The following FOXP1 variants were observed in gnomAD, a reference collection of about 807,000 sequenced individuals.
The protein encoded by FOXP1 is forkhead box P1.
In FOXP1, 15 loss-of-function variants were observed where a neutral mutation model predicts 98.2. The observed-to-expected ratio is 0.15, with a 90% CI of 0.10 to 0.24. FOXP1 has a LOEUF of 0.24. Among genes scored for constraint, FOXP1 ranks in the 10% least tolerant of loss-of-function variants. The pLI is 1.00. For missense variants in FOXP1, 633 were observed against 848.5 expected, an observed-to-expected ratio of 0.75 and a Z score of 3.15; for synonymous variants, 371 against 314.5, an observed-to-expected ratio of 1.18 and a Z score of -1.90.
chr3:71,094,342 TGATCTCAGCTCACTGCAA>T (rs1288747543), intron 7 of FOXP1, among the ~76,000 whole-genome samples: 4 of 149,328 alleles, frequency 2.7e-5, no homozygotes, highest in African/African-American at 9.9e-5. Context: ...TGCAGTGGCG[TGATCTCAGCTCACTGCAA>T]GCTCCGCCTC....
chr3:70,956,753 T>G lies in FOXP1; in HGVS notation c.*2494A>C, dbSNP rs2031918938. 1 of 189,262 alleles carries G rather than the reference T, an allele frequency of 5.3e-6. No individual in the cohort carries two copies. The highest frequency in any genetic ancestry group is 2.8e-5 in the African/African-American group (1 of 35,570). The allele number at this position is 189,262 out of a possible 1,614,324, so 11.7% of individuals were successfully genotyped here. The stretch of plus-strand genomic sequence containing the variant: ...AAAAGTTTTTTTTTTTTTTTTTTTT[T>G]TTTTTTTTTTTTTTTTTTTTAAAGT... On this transcript the variant is annotated 3_prime_UTR_variant, in exon 21 of 21. Transcript: ENST00000649528.
rs533778589 is a variant in FOXP1 at position 71,179,571 on chromosome 3, A to G, written c.180+18631T>C. ...AAACTGTAAACACACAAAATGTGAAATTAAAATTAAGATGAAAATGTGAAA... is the reference window on the plus strand; with the variant it reads ...AAACTGTAAACACACAAAATGTGAAGTTAAAATTAAGATGAAAATGTGAAA... On this transcript the variant is annotated intron_variant, in intron 6 of 20. Transcript: ENST00000649528. Among the ~76,000 whole-genome samples the G allele has an allele frequency of 9.2e-4, 140 of 152,344 alleles. 2 individuals carry two copies. The highest frequency in any genetic ancestry group is 1.5e-4 in the Non-Finnish European group (10 of 68,010).
intron 2 of FOXP1, among the ~76,000 whole-genome samples, chr3:71,506,045 C>A (rs752069458): frequency 6.6e-6 from 1 of 152,192 alleles, no homozygotes; most frequent in Non-Finnish European, 1.5e-5. Context: ...ACAATAAGAG[C>A]CTTGTCACCG....
intron 5 of FOXP1, chr3:71,296,298 A>G (rs1223335925): frequency 6.6e-6 from 1 of 152,182 alleles, no homozygotes; most frequent in Non-Finnish European, 1.5e-5. Context: ...TTGCAGTGTG[A>G]AAGATGATGC....
chr3:71,157,051 G>C (rs1560036250), intron 6 of FOXP1, among the ~76,000 whole-genome samples: 1 of 152,240 alleles, frequency 6.6e-6, no homozygotes. Flanking sequence ...ACAAGAGAGT[G>C]GAGGAGCATA....
At chr3:71,037,669 A>G (rs955353698) in intron 11 of FOXP1, among the ~76,000 whole-genome samples, 3 of 152,200 alleles carry the variant, frequency 2.0e-5, no homozygotes, top group Non-Finnish European at 2.9e-5. Flanking sequence ...TTTATATACA[A>G]TCAGCACAAT....
At chr3:70,979,718 A>AACTT (rs1354390066) in intron 14 of FOXP1, among the ~76,000 whole-genome samples, 2 of 151,952 alleles carry the variant, frequency 1.3e-5, no homozygotes, top group African/African-American at 4.8e-5. Flanking sequence ...ATAATCAAAG[A>AACTT]ACTTATTAAA....
At position 71,344,032 on chromosome 3, in the gene FOXP1, C is replaced by T. The variant is rs1000625381; in HGVS notation, c.-73+15118G>A. ...AACTACATATAGAAACAGTTCCAGG[C>T]GCAACCAAGGCCTTCCCATCTGGGC... On this transcript the variant is annotated intron_variant, in intron 4 of 20. Transcript: ENST00000649528. 5.3e-5 allele frequency among the ~76,000 whole-genome samples: 8 copies of T among 152,122 alleles called. No homozygotes were observed. In the South Asian group the frequency reaches 6.2e-4, roughly 12 times the overall value.
intron 11 of FOXP1, 81 bp from the exon 12 acceptor site, chr3:71,015,734 A>G: frequency 2.1e-6 from 2 of 943,402 alleles, no homozygotes; most frequent in Non-Finnish European, 3.4e-6. Flanking sequence ...AAAAGGCAGG[A>G]GGAGCCCACA....
At chr3:71,023,492 A>G (rs1360124059) in intron 11 of FOXP1, among the ~76,000 whole-genome samples, 2 of 152,218 alleles carry the variant, frequency 1.3e-5, no homozygotes, top group African/African-American at 4.8e-5. Flanking sequence ...CTTACGCTAC[A>G]ATGGCAGGCA....
At chr3:70,984,115 C>T (rs2039338364) in intron 14 of FOXP1, among the ~76,000 whole-genome samples, 1 of 152,196 alleles carries the variant, frequency 6.6e-6, no homozygotes, top group Admixed American at 6.5e-5. Flanking sequence ...AATGTAAGAA[C>T]TGCTTTTCGG....
intron 6 of FOXP1, among the ~76,000 whole-genome samples, chr3:71,113,712 C>CAAAATAATAAAATAAAATAAAAT (rs2058123654): frequency 9.8e-6 from 1 of 102,378 alleles, no homozygotes; most frequent in Non-Finnish European, 2.0e-5. Context: ...GCTTCCATCT[C>CAAAATAATAAAATAAAATAAAAT]AAAATAAAAT....
intron 5 of FOXP1, among the ~76,000 whole-genome samples, chr3:71,233,680 G>A (rs933883141): frequency 6.8e-5 from 10 of 146,846 alleles, no homozygotes; most frequent in African/African-American, 2.5e-4. Context: ...TGCCTGCCTC[G>A]GCCTCGCACC....
intron 4 of FOXP1, among the ~76,000 whole-genome samples, chr3:71,352,860 C>G (rs142173089): frequency 1.3e-5 from 2 of 152,074 alleles, no homozygotes; most frequent in East Asian, 3.9e-4. Context: ...GGTGACAGCA[C>G]GAAATGCAAG....
At chr3:71,304,068 C>A (rs1030727862) in intron 4 of FOXP1, among the ~76,000 whole-genome samples, 1 of 152,144 alleles carries the variant, frequency 6.6e-6, no homozygotes, top group Non-Finnish European at 1.5e-5. Context: ...TACTTCCTTT[C>A]TCCTCATCCT....
chr3:71,550,119 A>G (rs2045663428), intron 2 of FOXP1, among the ~76,000 whole-genome samples: 1 of 152,140 alleles, frequency 6.6e-6, no homozygotes, highest in African/African-American at 2.4e-5. Context: ...CAGCCCTAAC[A>G]CAGTTTATTC....
chr3:71,259,083 G>A (rs1441465532), intron 5 of FOXP1, among the ~76,000 whole-genome samples: 1 of 152,166 alleles, frequency 6.6e-6, no homozygotes, highest in African/African-American at 2.4e-5. Context: ...AGGCAGAGGT[G>A]CAGTGAGCTG....
intron 7 of FOXP1, among the ~76,000 whole-genome samples, chr3:71,081,278 A>T (rs2054384190): frequency 6.6e-6 from 1 of 152,172 alleles, no homozygotes; most frequent in Non-Finnish European, 1.5e-5. Flanking sequence ...CAGCACCTGT[A>T]CTCAGCTCAG....
At chr3:71,326,974 G>A (rs2075729065) in intron 4 of FOXP1, among the ~76,000 whole-genome samples, 1 of 152,176 alleles carries the variant, frequency 6.6e-6, no homozygotes, top group African/African-American at 2.4e-5. Flanking sequence ...CCATTGAACA[G>A]ATGAGGAAAC....
Sources: allele counts gnomAD v4.1 joint callset (sites outside exome capture counted in the v4.1 genomes callset), GRCh38; gene constraint gnomAD v4.1.1; transcripts MANE v1.5; gene names NCBI Gene and HGNC (gene_info 2026-07-23, HGNC 2026-07-21).